The following SRPK2 variants were observed in gnomAD, a reference collection of about 807,000 sequenced individuals.
SRPK2 encodes SFRS protein kinase 2.
Under a neutral mutation model 90.8 loss-of-function variants are expected in SRPK2, and 21 were observed. The observed-to-expected ratio is 0.23, with a 90% CI of 0.16 to 0.33. The LOEUF is 0.33. Ranked by LOEUF, SRPK2 falls within the 10% of genes least tolerant of loss-of-function variation. The pLI is 1.00. For missense variants in SRPK2, 620 were observed against 869.0 expected, an observed-to-expected ratio of 0.71 and a Z score of 3.60; for synonymous variants, 288 against 311.1, an observed-to-expected ratio of 0.93 and a Z score of 0.78.
intron 2 of SRPK2, among the ~76,000 whole-genome samples, chr7:105,294,697 T>C (rs1391720752): frequency 6.6e-6 from 1 of 152,074 alleles, no homozygotes; most frequent in Non-Finnish European, 1.5e-5. Flanking sequence ...GGCTAATTTT[T>C]CTATTTTTAG....
chr7:105,146,088 T>G (rs1345209467), intron 8 of SRPK2, among the ~76,000 whole-genome samples: 1 of 152,216 alleles, frequency 6.6e-6, no homozygotes, highest in African/African-American at 2.4e-5. Context: ...AATCTGTTGA[T>G]ACAACTCAGG....
At chr7:105,211,474 C>T (rs1326753844) in intron 2 of SRPK2, among the ~76,000 whole-genome samples, 1 of 152,092 alleles carries the variant, frequency 6.6e-6, no homozygotes, top group Non-Finnish European at 1.5e-5. Flanking sequence ...TGCTAAGCTT[C>T]CGGGAAGGCC....
At chr7:105,222,068 T>G (rs1254197420) in intron 2 of SRPK2, among the ~76,000 whole-genome samples, 1 of 152,230 alleles carries the variant, frequency 6.6e-6, no homozygotes, top group East Asian at 1.9e-4. Context: ...AACCATTCCT[T>G]TGTTTCCAGT....
At chr7:105,325,025 A>G (rs1813401105) in intron 2 of SRPK2, among the ~76,000 whole-genome samples, 1 of 152,220 alleles carries the variant, frequency 6.6e-6, no homozygotes. Context: ...ACAATCACTT[A>G]AGAGGCAGTT....
intron 2 of SRPK2, among the ~76,000 whole-genome samples, chr7:105,274,842 G>A (rs78304361): frequency 0.012 from 1,792 of 151,804 alleles, 32 homozygotes; most frequent in African/African-American, 0.041. Context: ...CCTTGCTGCA[G>A]CATCCAATTA....
At chr7:105,286,457 CG>C (rs753476783) in intron 2 of SRPK2, among the ~76,000 whole-genome samples, 71 of 152,210 alleles carry the variant, frequency 4.7e-4, no homozygotes, top group Middle Eastern at 3.4e-3. Context: ...TATATTTGAC[CG>C]TAGTTTATGA....
At chr7:105,168,757 GT>G (rs1193571051) in intron 4 of SRPK2, among the ~76,000 whole-genome samples, 2 of 147,674 alleles carry the variant, frequency 1.4e-5, no homozygotes, top group African/African-American at 5.0e-5. Context: ...GTGTGTGTGT[GT>G]GTGTGTGTGT....
At chr7:105,279,039 C>T (rs1272944508) in intron 2 of SRPK2, among the ~76,000 whole-genome samples, 1 of 152,034 alleles carries the variant, frequency 6.6e-6, no homozygotes, top group African/African-American at 2.4e-5. Flanking sequence ...TTTCATTTTT[C>T]AAGATGAAGT....
chr7:105,193,927 A>G (rs182861769), intron 3 of SRPK2, among the ~76,000 whole-genome samples: 2 of 152,316 alleles, frequency 1.3e-5, no homozygotes, highest in African/African-American at 4.8e-5. Flanking sequence ...TGACAAATAC[A>G]TATACTCTAA....
intron 3 of SRPK2, among the ~76,000 whole-genome samples, chr7:105,191,017 G>T (rs1794216014): frequency 6.6e-6 from 1 of 152,132 alleles, no homozygotes; most frequent in South Asian, 2.1e-4. Context: ...ATAAGGAATT[G>T]AGGCAGCTTA....
chr7:105,274,825 C>T (rs1239030489), intron 2 of SRPK2, among the ~76,000 whole-genome samples: 1 of 151,928 alleles, frequency 6.6e-6, no homozygotes, highest in Non-Finnish European at 1.5e-5. Flanking sequence ...AGACTGAGCT[C>T]CCATCTCCTT....
chr7:105,197,389 A>G (rs1795045031), intron 3 of SRPK2, among the ~76,000 whole-genome samples: 1 of 152,192 alleles, frequency 6.6e-6, no homozygotes, highest in South Asian at 2.1e-4. Flanking sequence ...ATTCCGGAGA[A>G]CTATGGATGA....
intron 2 of SRPK2, among the ~76,000 whole-genome samples, chr7:105,246,728 A>C (rs759873666): frequency 2.0e-5 from 3 of 150,794 alleles, no homozygotes; most frequent in Non-Finnish European, 4.5e-5. Context: ...AAGCATATAT[A>C]TTTTTTTTCA....
At chr7:105,209,457 C>A (rs1796593561) in intron 2 of SRPK2, among the ~76,000 whole-genome samples, 1 of 151,994 alleles carries the variant, frequency 6.6e-6, no homozygotes, top group African/African-American at 2.4e-5. Flanking sequence ...TGTGAGAGGA[C>A]TGCTTGAGCA....
At chr7:105,336,956 C>G (rs1815163591) in intron 2 of SRPK2, among the ~76,000 whole-genome samples, 1 of 152,060 alleles carries the variant, frequency 6.6e-6, no homozygotes, top group Non-Finnish European at 1.5e-5. Context: ...CACCCGCCAC[C>G]ACACCTAGCT....
At chr7:105,348,595 T>C (rs1337098609) in intron 2 of SRPK2, among the ~76,000 whole-genome samples, 1 of 151,490 alleles carries the variant, frequency 6.6e-6, no homozygotes, top group Non-Finnish European at 1.5e-5. Flanking sequence ...GACTAATTTT[T>C]GTATTTTAGT....
At chr7:105,144,936 T>C (rs915389540) in intron 9 of SRPK2, among the ~76,000 whole-genome samples, 29 of 151,888 alleles carry the variant, frequency 1.9e-4, no homozygotes, top group African/African-American at 7.0e-4. Context: ...GTGAAACCCC[T>C]CTCTACTAAA....
intron 3 of SRPK2, among the ~76,000 whole-genome samples, chr7:105,174,877 C>T (rs1791628841): frequency 1.3e-5 from 2 of 152,160 alleles, no homozygotes; most frequent in Admixed American, 1.3e-4. Flanking sequence ...GGCATGGTGG[C>T]TCATGCCTGT....
At chr7:105,337,205 C>T (rs1418093738) in intron 2 of SRPK2, among the ~76,000 whole-genome samples, 1 of 152,088 alleles carries the variant, frequency 6.6e-6, no homozygotes, top group African/African-American at 2.4e-5. Flanking sequence ...TTGTGTCCCC[C>T]CAAAATTCGT....
Sources: gnomAD v4.1 joint callset for allele counts (sites outside exome capture counted in the v4.1 genomes callset) on GRCh38, gnomAD v4.1.1 for gene constraint, MANE v1.5 for transcripts, NCBI Gene and HGNC (gene_info 2026-07-23, HGNC 2026-07-21) for gene names.